ASIC2: variants seen among roughly 807,000 people sequenced by gnomAD.
The protein encoded by ASIC2 is acid-sensing ion channel 2.
In ASIC2, 25 loss-of-function variants were observed where a neutral mutation model predicts 57.3. That is an observed-to-expected ratio of 0.44 (90% CI 0.32 to 0.61). The LOEUF (loss-of-function observed/expected upper bound fraction) is 0.61, where lower values mean the gene tolerates loss of function less well. ASIC2 is among the 20% of genes least tolerant of loss of function. ASIC2 has a pLI of 0.06. For synonymous variants in ASIC2, 319 were observed against 307.5 expected, an observed-to-expected ratio of 1.04 and a Z score of -0.39; for missense variants, 641 against 738.1, an observed-to-expected ratio of 0.87 and a Z score of 1.52.
chr17:33,394,846 G>A (rs904844548), intron 1 of ASIC2, among the ~76,000 whole-genome samples: 2 of 152,056 alleles, frequency 1.3e-5, no homozygotes, highest in Non-Finnish European at 2.9e-5. Context: ...AAAGGGAAAA[G>A]ACTAAATTTC....
chr17:34,066,333 C>T (rs1437136980), intron 1 of ASIC2, among the ~76,000 whole-genome samples: 1 of 152,198 alleles, frequency 6.6e-6, no homozygotes, highest in Non-Finnish European at 1.5e-5. Flanking sequence ...GCCTTAGGTA[C>T]ACATTAGAAC....
intron 1 of ASIC2, 57 bp from the exon 2 acceptor site, chr17:33,112,124 C>G: frequency 3.9e-6 from 6 of 1,530,442 alleles, no homozygotes; most frequent in Non-Finnish European, 5.3e-6. Flanking sequence ...AGACGGGGGT[C>G]CAGAGATTGG....
At chr17:33,457,560 C>T (rs1470979536) in intron 1 of ASIC2, among the ~76,000 whole-genome samples, 1 of 146,478 alleles carries the variant, frequency 6.8e-6, no homozygotes, top group Non-Finnish European at 1.5e-5. Flanking sequence ...TAAAAATGAA[C>T]AAGACAAAGT....
At chr17:33,510,608 G>A (rs1487540097) in intron 1 of ASIC2, among the ~76,000 whole-genome samples, 1 of 152,060 alleles carries the variant, frequency 6.6e-6, no homozygotes, top group African/African-American at 2.4e-5. Context: ...CTCCAGCCTG[G>A]GCAATAGAGT....
intron 1 of ASIC2, 58 bp downstream of exon 1, chr17:33,291,350 T>C: frequency 6.5e-7 from 1 of 1,535,486 alleles, no homozygotes; most frequent in Non-Finnish European, 8.7e-7. Flanking sequence ...ACACCAGGCC[T>C]CCTGACTGCC....
intron 1 of ASIC2, among the ~76,000 whole-genome samples, chr17:33,606,210 G>A (rs1905229045): frequency 6.6e-6 from 1 of 152,156 alleles, no homozygotes; most frequent in Non-Finnish European, 1.5e-5. Context: ...CCGACAGAAA[G>A]GAGAATAAAA....
intron 1 of ASIC2, among the ~76,000 whole-genome samples, chr17:33,459,991 G>T (rs1912582156): frequency 6.6e-6 from 1 of 151,160 alleles, no homozygotes; most frequent in Non-Finnish European, 1.5e-5. Flanking sequence ...TTGTGAAATG[G>T]TTAAAAAAAA....
chr17:33,280,101 C>G (rs1904878606), intron 1 of ASIC2, among the ~76,000 whole-genome samples: 1 of 152,124 alleles, frequency 6.6e-6, no homozygotes, highest in Non-Finnish European at 1.5e-5. Context: ...CCTACATGTT[C>G]CTGCCCCATT....
At chr17:34,099,139 AGAGAGACAGAGAGAGAGAGAGAG>A in intron 1 of ASIC2, among the ~76,000 whole-genome samples, 1 of 21,558 alleles carries the variant, frequency 4.6e-5, no homozygotes, top group African/African-American at 1.2e-4. Context: ...AGAGAGAGAG[AGAGAGACAGAGAGAGAGAGAGAG>A]AGAAAGAAAG....
At chr17:33,428,935 G>A (rs1183379962) in intron 1 of ASIC2, among the ~76,000 whole-genome samples, 4 of 152,268 alleles carry the variant, frequency 2.6e-5, no homozygotes, top group Non-Finnish European at 4.4e-5. Context: ...CAGGGGGCTC[G>A]GCTGTCTCTT....
intron 2 of ASIC2, among the ~76,000 whole-genome samples, chr17:33,106,378 G>C (rs2092234336): frequency 6.6e-6 from 1 of 152,176 alleles, no homozygotes; most frequent in African/African-American, 2.4e-5. Context: ...AGGGCAGATT[G>C]TATTTGATAA....
intron 1 of ASIC2, among the ~76,000 whole-genome samples, chr17:33,500,412 C>A (rs1010511764): frequency 6.6e-6 from 1 of 152,208 alleles, no homozygotes; most frequent in African/African-American, 2.4e-5. Flanking sequence ...CACTCAAGAT[C>A]ATCACAATGG....
At chr17:33,611,688 G>A (rs1905415019) in intron 1 of ASIC2, among the ~76,000 whole-genome samples, 1 of 152,240 alleles carries the variant, frequency 6.6e-6, no homozygotes, top group South Asian at 2.1e-4. Flanking sequence ...TCACAGGGGT[G>A]TGAGAAGTTA....
chr17:33,457,412 A>G (rs1256846183), intron 1 of ASIC2, among the ~76,000 whole-genome samples: 3 of 152,078 alleles, frequency 2.0e-5, no homozygotes, highest in Non-Finnish European at 4.4e-5. Flanking sequence ...CTCAAAACCT[A>G]ATTGGGTGGC....
At chr17:33,388,750 A>G (rs1674130993) in intron 1 of ASIC2, among the ~76,000 whole-genome samples, 1 of 152,164 alleles carries the variant, frequency 6.6e-6, no homozygotes, top group South Asian at 2.1e-4. Flanking sequence ...TGTGGTAATC[A>G]ATGCCTGCCC....
In ASIC2 at chr17:33,579,554, A is replaced by G. The variant is rs533890295; in HGVS notation, c.556-467487T>C. Among the ~76,000 whole-genome samples the G allele has an allele frequency of 3.3e-5, 5 of 152,206 alleles. No individual in the cohort carries two copies. In the East Asian group the frequency reaches 9.7e-4, roughly 29 times the overall value. ...CGGTCTCCCTGCCTTCAAGAATGAA[A>G]GGGCAGACCCTACTGGTGAGTGTTA... On this transcript the variant is annotated intron_variant, in intron 1 of 9. Transcript: ENST00000359872.
At chr17:33,697,285 C>T (rs1908558108) in intron 1 of ASIC2, among the ~76,000 whole-genome samples, 1 of 152,182 alleles carries the variant, frequency 6.6e-6, no homozygotes, top group Non-Finnish European at 1.5e-5. Context: ...AATGTGAGAA[C>T]AGACTAATAC....
At chr17:33,420,815 G>C (rs969654291) in intron 1 of ASIC2, among the ~76,000 whole-genome samples, 11 of 152,154 alleles carry the variant, frequency 7.2e-5, no homozygotes, top group Non-Finnish European at 1.0e-4. Context: ...AAGCCCAAAA[G>C]AGCTCACTCC....
At chr17:34,134,026 TGA>T (rs1445595052) in intron 1 of ASIC2, among the ~76,000 whole-genome samples, 1 of 152,204 alleles carries the variant, frequency 6.6e-6, no homozygotes, top group African/African-American at 2.4e-5. Context: ...AAACTAATTC[TGA>T]GAGATACTTA....
Sources: allele counts gnomAD v4.1 joint callset (sites outside exome capture counted in the v4.1 genomes callset), GRCh38; gene constraint gnomAD v4.1.1; transcripts MANE v1.5; gene names NCBI Gene and HGNC (gene_info 2026-07-23, HGNC 2026-07-21).